Variants in UNC5D observed in about 807,000 individuals in gnomAD.
The protein encoded by UNC5D is unc-5 netrin receptor D.
Under a neutral mutation model 105.4 loss-of-function variants are expected in UNC5D, and 39 were observed. The ratio of observed to expected loss-of-function variants is 0.37; its 90% CI spans 0.29 to 0.48. The LOEUF is 0.48. Ranked by LOEUF, UNC5D falls within the 20% of genes least tolerant of loss-of-function variation. The pLI, the probability that UNC5D is intolerant of heterozygous loss-of-function variation, is 0.98. For missense variants in UNC5D, 991 were observed against 1,202.4 expected (o/e 0.82, Z 2.60); for synonymous variants, 452 against 450.4 (o/e 1.00, Z -0.04).
chr8:35,445,562 G>A (rs1005646675), intron 1 of UNC5D, among the ~76,000 whole-genome samples: 1 of 151,990 alleles, frequency 6.6e-6, no homozygotes, highest in Non-Finnish European at 1.5e-5. Context: ...AGAAACTAAA[G>A]CTCAGAGGTT....
rs527510036 is a variant in UNC5D at position 35,423,992 on chromosome 8, G to T, written c.104-125300G>T. On this transcript the variant is annotated intron_variant, in intron 1 of 16. Coordinates refer to ENST00000404895, the MANE Select transcript of UNC5D (RefSeq NM_080872.4). ...AAAAAAAAGTTTTTGTAGAGATGGG[G>T]TCTTGCTATGTTGCCCCAACTGGTC... Among the ~76,000 whole-genome samples the T allele has an allele frequency of 2.6e-5, 4 of 152,198 alleles. No homozygotes were observed. The East Asian group carries it at 7.8e-4, about 30-fold the overall frequency.
chr8:35,724,195 G>A lies in UNC5D; in HGVS notation c.1303+1800G>A. 5 of 1,499,650 alleles carry A rather than the reference G, an allele frequency of 3.3e-6. No homozygotes were observed. In the South Asian group the frequency reaches 3.9e-5, roughly 12 times the overall value. 92.9% of individuals were successfully genotyped at this position (1,499,650 alleles called of 1,614,324 possible). Reference sequence around the variant, plus strand: ...ACTTATGTGTATTGTAAATCTCTAAGACAATATTAGTCTTACCAAACTTAC... The same window carrying A: ...ACTTATGTGTATTGTAAATCTCTAAAACAATATTAGTCTTACCAAACTTAC... On this transcript the variant is annotated intron_variant, in intron 9 of 16. Coordinates refer to ENST00000404895, the MANE Select transcript of UNC5D (RefSeq NM_080872.4).
At chr8:35,508,971 T>C (rs1305083042) in intron 1 of UNC5D, among the ~76,000 whole-genome samples, 3 of 152,208 alleles carry the variant, frequency 2.0e-5, no homozygotes, top group African/African-American at 4.8e-5. Context: ...TATTAATAGC[T>C]AAGGTCTAAG....
intron 1 of UNC5D, among the ~76,000 whole-genome samples, chr8:35,297,777 A>AT (rs36100839): frequency 0.37 from 55,307 of 150,734 alleles, 10,825 homozygotes; most frequent in Middle Eastern, 0.46. Context: ...AGATGTTATG[A>AT]TTTTTTTTTT....
chr8:35,682,887 C>A (rs1825764356), intron 4 of UNC5D, among the ~76,000 whole-genome samples: 1 of 152,174 alleles, frequency 6.6e-6, no homozygotes, highest in Non-Finnish European at 1.5e-5. Flanking sequence ...AGAAGAAGGG[C>A]TGGGCCTCAA....
intron 9 of UNC5D, among the ~76,000 whole-genome samples, chr8:35,725,129 A>G (rs1828791078): frequency 6.6e-6 from 1 of 152,186 alleles, no homozygotes; most frequent in African/African-American, 2.4e-5. Flanking sequence ...GGCTAATACA[A>G]TATGGCCAAG....
At chr8:35,322,337 CT>C (rs141681880) in intron 1 of UNC5D, among the ~76,000 whole-genome samples, 3,331 of 149,070 alleles carry the variant, frequency 0.022, 125 homozygotes, top group African/African-American at 0.077. Flanking sequence ...TTTCTCCCCC[CT>C]TTTTTTTTTC....
chr8:35,597,993 T>C (rs1819596481), intron 4 of UNC5D, among the ~76,000 whole-genome samples: 1 of 152,106 alleles, frequency 6.6e-6, no homozygotes, highest in Non-Finnish European at 1.5e-5. Context: ...CTCTCTCAGA[T>C]GCACCAGCCA....
At chr8:35,606,031 A>AGG (rs1047722028) in intron 4 of UNC5D, among the ~76,000 whole-genome samples, 1 of 150,948 alleles carries the variant, frequency 6.6e-6, no homozygotes, top group African/African-American at 2.4e-5. Flanking sequence ...TCTGCCGCCC[A>AGG]GGCTGGAGTG....
intron 11 of UNC5D, among the ~76,000 whole-genome samples, chr8:35,737,287 TG>T (rs1563720917): frequency 1.3e-4 from 20 of 150,014 alleles, no homozygotes; most frequent in African/African-American, 5.0e-4. Context: ...TGTGTGTGTG[TG>T]TGTGTGTGTG....
At chr8:35,790,296 C>T (rs552231179) in intron 16 of UNC5D, 63 bp from the exon 17 acceptor site, 3 of 1,487,414 alleles carry the variant, frequency 2.0e-6, no homozygotes, top group East Asian at 4.5e-5. Context: ...TTATGGTGAT[C>T]AGTGTTTATT....
At chr8:35,510,331 A>C (rs1229632918) in intron 1 of UNC5D, among the ~76,000 whole-genome samples, 1 of 151,044 alleles carries the variant, frequency 6.6e-6, no homozygotes, top group South Asian at 2.1e-4. Context: ...AAAAAAAAAA[A>C]ACACTTTGGA....
chr8:35,637,294 C>G (rs1434503497), intron 4 of UNC5D, among the ~76,000 whole-genome samples: 1 of 152,130 alleles, frequency 6.6e-6, no homozygotes, highest in Non-Finnish European at 1.5e-5. Context: ...GAGACTCTAG[C>G]ACAACTAGGA....
intron 1 of UNC5D, among the ~76,000 whole-genome samples, chr8:35,438,354 A>T (rs987406880): frequency 1.3e-5 from 2 of 152,008 alleles, no homozygotes; most frequent in Admixed American, 6.6e-5. Context: ...AGATTAAGTG[A>T]CGTTTGTAGA....
At chr8:35,507,860 C>T (rs887708278) in intron 1 of UNC5D, among the ~76,000 whole-genome samples, 3 of 152,028 alleles carry the variant, frequency 2.0e-5, no homozygotes, top group Admixed American at 2.0e-4. Flanking sequence ...ATCAAAACAT[C>T]TCATGTTCCC....
rs998575914 is a variant in UNC5D at position 35,795,541 on chromosome 8, G to A, written c.*4978G>A. The A allele has an allele frequency of 1.2e-4, 19 of 152,092 alleles. No homozygotes were observed. Among genetic ancestry groups the A allele is most frequent in the Non-Finnish European group, 1.5e-5 (1 of 68,016 alleles). The allele number at this position is 152,092 out of a possible 1,614,324, so 9.4% of individuals were successfully genotyped here. A position where few individuals can be genotyped will look rare whatever the true frequency, so the allele number is the denominator to read the frequency against. On this transcript the variant is annotated 3_prime_UTR_variant, in exon 17 of 17. Coordinates refer to ENST00000404895, the MANE Select transcript of UNC5D (RefSeq NM_080872.4). ...CTTATGACCCCATTACTGAAACACA[G>A]ACATTACAATCAGAAATAGACCTAA...
chr8:35,494,522 T>G (rs1811424680), intron 1 of UNC5D, among the ~76,000 whole-genome samples: 1 of 152,166 alleles, frequency 6.6e-6, no homozygotes, highest in South Asian at 2.1e-4. Flanking sequence ...ATTTTACAGA[T>G]AGAAAATCAA....
intron 1 of UNC5D, among the ~76,000 whole-genome samples, chr8:35,286,306 C>A (rs1352220756): frequency 6.6e-6 from 1 of 152,176 alleles, no homozygotes; most frequent in Non-Finnish European, 1.5e-5. Context: ...AGAATACCAA[C>A]CCAAATATTC....
At position 35,700,005 on chromosome 8, in the gene UNC5D, CGGA is replaced by C. The variant is rs1341908830; in HGVS notation, c.1085-5919_1085-5917del. Among the ~76,000 whole-genome samples the C allele has an allele frequency of 5.3e-5, 8 of 152,300 alleles. 1 individual carries two copies. The South Asian group carries it at 6.2e-4, about 12-fold the overall frequency. The stretch of plus-strand genomic sequence containing the variant: ...ATGACCTAAATGAACTTTGAACACT[CGGA>C]GGAGAACAGAATCCCCACTTGCCAT... On this transcript the variant is annotated intron_variant, in intron 7 of 16. Coordinates refer to ENST00000404895, the MANE Select transcript of UNC5D (RefSeq NM_080872.4).
Sources: allele counts gnomAD v4.1 joint callset (sites outside exome capture counted in the v4.1 genomes callset), GRCh38; gene constraint gnomAD v4.1.1; transcripts MANE v1.5; gene names NCBI Gene and HGNC (gene_info 2026-07-23, HGNC 2026-07-21).